Variants in XKR4 observed in about 807,000 individuals in gnomAD.
XKR4 encodes XK-related protein 4.
Under a neutral mutation model 53.9 loss-of-function variants are expected in XKR4, and 12 were observed. The observed-to-expected ratio is 0.22, with a 90% confidence interval of 0.14 to 0.36. The LOEUF (loss-of-function observed/expected upper bound fraction) is 0.36. XKR4 is among the 10% of genes least tolerant of loss of function. The pLI, the probability that XKR4 is intolerant of heterozygous loss-of-function variation, is 1.00. For synonymous variants in XKR4, 354 were observed against 362.4 expected (o/e 0.98, Z 0.26); for missense variants, 799 against 859.5 (o/e 0.93, Z 0.88).
chr8:55,449,515 G>T (rs1372081168), intron 2 of XKR4: 3 of 1,443,782 alleles, frequency 2.1e-6, no homozygotes, highest in Non-Finnish European at 2.9e-6. Flanking sequence ...AGGCTCAGGC[G>T]TCCGACAGTC....
chr8:55,411,376 G>C (rs1804775964), intron 2 of XKR4, among the ~76,000 whole-genome samples: 1 of 152,186 alleles, frequency 6.6e-6, no homozygotes, highest in African/African-American at 2.4e-5. Flanking sequence ...ACATTTACGT[G>C]CTCAGTGAGC....
chr8:55,316,268 T>C (rs1271167051), intron 1 of XKR4, among the ~76,000 whole-genome samples: 1 of 152,190 alleles, frequency 6.6e-6, no homozygotes, highest in Non-Finnish European at 1.5e-5. Context: ...CTTCCACATC[T>C]TGTGACCAGT....
rs1479069887 is a variant in XKR4 at position 55,425,345 on chromosome 8, T to C, written c.1006+67468T>C. On this transcript the variant is annotated intron_variant, in intron 2 of 2. Coordinates refer to ENST00000327381, the MANE Select transcript of XKR4 (RefSeq NM_052898.2). The stretch of plus-strand genomic sequence containing the variant: ...ACCTGGAGGTTGGCCCCTCACCGTT[T>C]GGGAATTTAGTCTTCCTTAGAATCT... Among the ~76,000 whole-genome samples the C allele has an allele frequency of 7.2e-5, 11 of 152,222 alleles. No individual in the cohort carries two copies. In the South Asian group the frequency reaches 2.3e-3, roughly 32 times the overall value.
chr8:55,210,623 C>T (rs1190707327), intron 1 of XKR4, among the ~76,000 whole-genome samples: 1 of 152,192 alleles, frequency 6.6e-6, no homozygotes, highest in African/African-American at 2.4e-5. Flanking sequence ...GAAGAAGCCC[C>T]ATTTTCTGGG....
intron 1 of XKR4, among the ~76,000 whole-genome samples, chr8:55,247,861 T>TCTTTCTTTCTTTCTTTC: frequency 9.3e-6 from 1 of 107,950 alleles, no homozygotes; most frequent in East Asian, 3.1e-4. Flanking sequence ...CTTTCTTTTT[T>TCTTTCTTTCTTTCTTTC]TTTTTTTTTT....
chr8:55,288,419 A>G (rs948486806), intron 1 of XKR4, among the ~76,000 whole-genome samples: 1 of 152,256 alleles, frequency 6.6e-6, no homozygotes, highest in Non-Finnish European at 1.5e-5. Flanking sequence ...TTATGCTTAA[A>G]ATTTTTTAAA....
At position 55,524,396 on chromosome 8, in the gene XKR4, C is replaced by T; in HGVS notation, c.*169C>T. 1 of 674,338 alleles carries T rather than the reference C, an allele frequency of 1.5e-6. No homozygotes were observed. Among genetic ancestry groups the T allele is most frequent in the South Asian group, 2.0e-5 (1 of 50,234 alleles). 41.8% of individuals were successfully genotyped at this position (674,338 alleles called of 1,614,324 possible). On this transcript the variant is annotated 3_prime_UTR_variant, in exon 3 of 3. Coordinates refer to ENST00000327381, the MANE Select transcript of XKR4 (RefSeq NM_052898.2). ...TCGGCTGGGGGCGGCTGGTCTCCTT[C>T]CAAAGCAGCTGCACCCGAGAGTCTC... is the stretch of plus-strand genomic sequence containing the variant.
chr8:55,331,432 G>T (rs1354739958), intron 1 of XKR4, among the ~76,000 whole-genome samples: 1 of 152,166 alleles, frequency 6.6e-6, no homozygotes, highest in Non-Finnish European at 1.5e-5. Flanking sequence ...TTCTACCGTT[G>T]TTGGGTGGAG....
At chr8:55,274,221 GC>G (rs1478222688) in intron 1 of XKR4, among the ~76,000 whole-genome samples, 1 of 152,166 alleles carries the variant, frequency 6.6e-6, no homozygotes, top group Non-Finnish European at 1.5e-5. Context: ...TACTAGGGCT[GC>G]CATAACAAAT....
intron 1 of XKR4, among the ~76,000 whole-genome samples, chr8:55,233,021 G>A (rs1305757023): frequency 1.3e-5 from 2 of 152,218 alleles, no homozygotes; most frequent in Non-Finnish European, 2.9e-5. Context: ...GAAGGATGGT[G>A]TATCTGCGTG....
At chr8:55,301,462 G>T (rs1399895136) in intron 1 of XKR4, among the ~76,000 whole-genome samples, 1 of 151,986 alleles carries the variant, frequency 6.6e-6, no homozygotes, top group East Asian at 1.9e-4. Context: ...ACATACATGT[G>T]CATGTGTCTT....
At chr8:55,441,060 T>C (rs1374769817) in intron 2 of XKR4, among the ~76,000 whole-genome samples, 2 of 89,838 alleles carry the variant, frequency 2.2e-5, no homozygotes, top group African/African-American at 1.3e-4. Flanking sequence ...ACACCTCATC[T>C]CTACAAAAAA....
At chr8:55,478,872 C>T (rs1228216888) in intron 2 of XKR4, among the ~76,000 whole-genome samples, 2 of 152,012 alleles carry the variant, frequency 1.3e-5, no homozygotes, top group African/African-American at 4.8e-5. Flanking sequence ...TATATGCACC[C>T]AATACAGGAG....
intron 1 of XKR4, among the ~76,000 whole-genome samples, chr8:55,344,131 C>T (rs1322728814): frequency 6.6e-6 from 1 of 152,130 alleles, no homozygotes; most frequent in African/African-American, 2.4e-5. Flanking sequence ...GTTGTTATAC[C>T]CCCACTCTCT....
chr8:55,445,783 C>T (rs1805338226), intron 2 of XKR4, among the ~76,000 whole-genome samples: 1 of 152,172 alleles, frequency 6.6e-6, no homozygotes, highest in Admixed American at 6.5e-5. Flanking sequence ...ATGAGAAAAA[C>T]AATTGTAAGA....
At chr8:55,474,167 C>G (rs1449296164) in intron 2 of XKR4, among the ~76,000 whole-genome samples, 2 of 152,122 alleles carry the variant, frequency 1.3e-5, no homozygotes, top group African/African-American at 2.4e-5. Flanking sequence ...ACCTCTGTCT[C>G]TCAACACACT....
At chr8:55,109,547 C>T (rs1055076785) in intron 1 of XKR4, among the ~76,000 whole-genome samples, 2 of 152,020 alleles carry the variant, frequency 1.3e-5, no homozygotes, top group Admixed American at 6.6e-5. Flanking sequence ...TCAGACAGCT[C>T]CTTGTGCATT....
At chr8:55,186,403 T>C (rs541343314) in intron 1 of XKR4, among the ~76,000 whole-genome samples, 9 of 152,164 alleles carry the variant, frequency 5.9e-5, no homozygotes, top group South Asian at 2.1e-4. Flanking sequence ...TGCCTGTAAT[T>C]GCAGCACTTT....
In XKR4 at chr8:55,525,772, A is replaced by G. The variant is rs1563373770; in HGVS notation, c.*1545A>G. 6.6e-6 allele frequency: 1 copy of G among 152,588 alleles called. No homozygotes were observed. Among genetic ancestry groups the G allele is most frequent in the Non-Finnish European group, 1.5e-5 (1 of 68,036 alleles). 9.5% of individuals were successfully genotyped at this position (152,588 alleles called of 1,614,324 possible). Reference sequence around the variant, plus strand: ...AGGGTATACACATAGGCATCATCACATTTTTTATAGACCTGGAATCGTTTA... The same window carrying G: ...AGGGTATACACATAGGCATCATCACGTTTTTTATAGACCTGGAATCGTTTA... On this transcript the variant is annotated 3_prime_UTR_variant, in exon 3 of 3. Transcript: ENST00000327381.
Sources: gnomAD v4.1 joint callset for allele counts (sites outside exome capture counted in the v4.1 genomes callset) on GRCh38, gnomAD v4.1.1 for gene constraint, MANE v1.5 for transcripts, NCBI Gene and HGNC (gene_info 2026-07-23, HGNC 2026-07-21) for gene names.